Variants in MYT1L observed in about 807,000 individuals in gnomAD.
MYT1L encodes the protein myelin transcription factor 1-like protein.
In MYT1L, 12 loss-of-function variants were observed where a neutral mutation model predicts 126.7. The ratio of observed to expected loss-of-function variants is 0.09; its 90% confidence interval spans 0.06 to 0.15. MYT1L has a LOEUF of 0.15. MYT1L is among the 10% of genes least tolerant of loss of function. The pLI is 1.00. For synonymous variants in MYT1L, 541 were observed against 604.2 expected (o/e 0.90, Z 1.53); for missense variants, 979 against 1,585.2 (o/e 0.62, Z 6.49).
Position 2,030,823 on chromosome 2 carries a change from G to A in MYT1L, c.-158+23155C>T, listed in dbSNP as rs569846918. Among the ~76,000 whole-genome samples, 6 of 152,268 alleles carry A rather than the reference G, an allele frequency of 3.9e-5. No individual in the cohort carries two copies. In the South Asian group the frequency reaches 1.2e-3, roughly 32 times the overall value. On this transcript the variant is annotated intron_variant, in intron 4 of 24. Transcript: ENST00000647738. ...AATCATTTTAGTTGTGCAGCCAGTG[G>A]TCCTATTTTGACTTCTAACTAGAAT...
intron 4 of MYT1L, among the ~76,000 whole-genome samples, chr2:2,022,624 G>A (rs909804661): frequency 9.2e-5 from 14 of 151,632 alleles, no homozygotes; most frequent in African/African-American, 1.2e-4. Flanking sequence ...CAAGATGCCC[G>A]CTTGGGCCTC....
chr2:2,260,016 G>A (rs7558130), intron 2 of MYT1L, among the ~76,000 whole-genome samples: 10,339 of 152,202 alleles, frequency 0.068, 409 homozygotes, highest in South Asian at 0.13. Context: ...ATGAGCAGGC[G>A]CTCATTTTAC....
intron 2 of MYT1L, among the ~76,000 whole-genome samples, chr2:2,257,261 C>T (rs1358928748): frequency 6.6e-6 from 1 of 152,098 alleles, no homozygotes; most frequent in African/African-American, 2.4e-5. Flanking sequence ...AACACACAGC[C>T]CCTGCAATTT....
At chr2:1,894,360 C>T (rs2049307864) in intron 14 of MYT1L, among the ~76,000 whole-genome samples, 2 of 152,172 alleles carry the variant, frequency 1.3e-5, no homozygotes, top group South Asian at 2.1e-4. Flanking sequence ...CAGAGGGAGA[C>T]AGCAGAGGCT....
intron 22 of MYT1L, among the ~76,000 whole-genome samples, chr2:1,803,380 C>T (rs967608918): frequency 6.6e-6 from 1 of 152,126 alleles, no homozygotes; most frequent in Non-Finnish European, 1.5e-5. Flanking sequence ...ATTTCTCAAG[C>T]ACATTCCTAG....
At chr2:2,094,263 G>A (rs1442943463) in intron 3 of MYT1L, among the ~76,000 whole-genome samples, 1 of 152,124 alleles carries the variant, frequency 6.6e-6, no homozygotes, top group African/African-American at 2.4e-5. Context: ...AAAAAGTCAG[G>A]AAACAACAGG....
chr2:1,995,285 C>T (rs1303042276), intron 5 of MYT1L, among the ~76,000 whole-genome samples: 1 of 152,176 alleles, frequency 6.6e-6, no homozygotes, highest in South Asian at 2.1e-4. Flanking sequence ...CAGGGCTCCA[C>T]ACGTGTGAGG....
intron 1 of MYT1L, among the ~76,000 whole-genome samples, chr2:2,329,683 G>A (rs902138435): frequency 6.6e-6 from 1 of 152,146 alleles, no homozygotes; most frequent in African/African-American, 2.4e-5. Flanking sequence ...AGTATGGTAA[G>A]AGTTTTCAAA....
chr2:1,878,019 C>T (rs939055115), intron 18 of MYT1L, among the ~76,000 whole-genome samples: 2 of 152,220 alleles, frequency 1.3e-5, no homozygotes, highest in Non-Finnish European at 2.9e-5. Context: ...GTGTTAATTA[C>T]GTCGGGTTTA....
At chr2:1,988,058 A>G (rs1191230686) in intron 5 of MYT1L, among the ~76,000 whole-genome samples, 1 of 152,188 alleles carries the variant, frequency 6.6e-6, no homozygotes, top group African/African-American at 2.4e-5. Context: ...GACTTTGCAC[A>G]TGCCTTTAAA....
Position 2,123,973 on chromosome 2 carries a change from A to C in MYT1L, c.-304+48899T>G, listed in dbSNP as rs149951493. On this transcript the variant is annotated intron_variant, in intron 3 of 24. Transcript: ENST00000647738. Reference sequence around the variant, plus strand: ...CCTCTCTTGGAGCCTCCAGGAACACAGCCCTGCAGACCCACTTCAGATACT... The same window carrying C: ...CCTCTCTTGGAGCCTCCAGGAACACCGCCCTGCAGACCCACTTCAGATACT... 4.1e-3 allele frequency among the ~76,000 whole-genome samples: 624 copies of C among 152,342 alleles called. 4 individuals carry two copies. The highest frequency in any genetic ancestry group is 0.014 in the African/African-American group (594 of 41,588).
intron 2 of MYT1L, among the ~76,000 whole-genome samples, chr2:2,281,935 T>TG (rs2095453059): frequency 2.0e-5 from 3 of 152,198 alleles, no homozygotes; most frequent in Admixed American, 1.3e-4. Context: ...GTAGGTGGCA[T>TG]GGGGGCAGAA....
At chr2:1,933,769 C>T (rs1462409035) in intron 9 of MYT1L, among the ~76,000 whole-genome samples, 2 of 152,136 alleles carry the variant, frequency 1.3e-5, no homozygotes, top group African/African-American at 4.8e-5. Context: ...TCTGTGTGGA[C>T]ACTGCCTAGC....
intron 2 of MYT1L, among the ~76,000 whole-genome samples, chr2:2,278,350 T>C (rs948201778): frequency 6.6e-6 from 1 of 152,224 alleles, no homozygotes; most frequent in African/African-American, 2.4e-5. Flanking sequence ...ATTTATTTCC[T>C]GCCAGTCTGG....
intron 3 of MYT1L, among the ~76,000 whole-genome samples, chr2:2,093,083 A>G (rs2077058966): frequency 6.6e-6 from 1 of 152,184 alleles, no homozygotes; most frequent in Non-Finnish European, 1.5e-5. Flanking sequence ...AACTGACAAT[A>G]ATAAAAGCAT....
chr2:1,995,626 G>A (rs1432156750), intron 5 of MYT1L, among the ~76,000 whole-genome samples: 1 of 152,202 alleles, frequency 6.6e-6, no homozygotes, highest in African/African-American at 2.4e-5. Flanking sequence ...GCTGACCACT[G>A]CTGCCGGGTA....
In MYT1L at chr2:1,944,546, T is replaced by C. The variant is rs563129221; in HGVS notation, c.153-1212A>G. On this transcript the variant is annotated intron_variant, in intron 8 of 24. Transcript: ENST00000647738. ...AGGTGTGGCCTCTCTCACTGGCCCA[T>C]TATTCTGCAGGGGGGCTCCTGCACA... 5.3e-5 allele frequency among the ~76,000 whole-genome samples: 8 copies of C among 152,174 alleles called. No individual in the cohort carries two copies. In the East Asian group the frequency reaches 1.6e-3, roughly 30 times the overall value.
intron 3 of MYT1L, among the ~76,000 whole-genome samples, chr2:2,092,391 G>A (rs2076995322): frequency 6.6e-6 from 1 of 152,194 alleles, no homozygotes; most frequent in Non-Finnish European, 1.5e-5. Flanking sequence ...GGTGCTGTTT[G>A]CAGTGCCCTC....
In MYT1L at chr2:1,839,199, T is replaced by C; in HGVS notation, c.3030A>G (p.Pro1010=). Residue 1010 remains proline, a synonymous_variant, in exon 21 of 25, where the codon CCA becomes CCG. Transcript: ENST00000647738. ...VKTEGMSCPT[P]GCDGSGHVSG... ...TGACGTGGCCTGAGCCGTCGCATCC[T>C]GGCGTGGGGCAGGACATGCCTTCCG... The C allele has an allele frequency of 6.2e-7, 1 of 1,613,516 alleles. No homozygotes were observed. The highest frequency in any genetic ancestry group is 8.5e-7 in the Non-Finnish European group (1 of 1,179,868).
Sources: allele counts gnomAD v4.1 joint callset (sites outside exome capture counted in the v4.1 genomes callset), GRCh38; gene constraint gnomAD v4.1.1; transcripts MANE v1.5; gene names NCBI Gene and HGNC (gene_info 2026-07-23, HGNC 2026-07-21).